HSP90AA1: variants seen among roughly 807,000 people sequenced by gnomAD.
The protein encoded by HSP90AA1 is heat shock protein 90 alpha family class A member 1.
Under a neutral mutation model 73.3 loss-of-function variants are expected in HSP90AA1, and 18 were observed. The ratio of observed to expected loss-of-function variants is 0.25; its 90% CI spans 0.17 to 0.36. The LOEUF (loss-of-function observed/expected upper bound fraction) is 0.36, where lower values mean the gene tolerates loss of function less well. Ranked by LOEUF, HSP90AA1 falls within the 10% of genes least tolerant of loss-of-function variation. HSP90AA1 has a pLI of 1.00. For missense variants in HSP90AA1, 704 were observed against 874.2 expected, an observed-to-expected ratio of 0.81 and a Z score of 2.45; for synonymous variants, 477 against 296.9, an observed-to-expected ratio of 1.61 and a Z score of -6.24.
Position 102,082,878 on chromosome 14 carries a change from C to T in HSP90AA1, c.1755+156G>A, listed in dbSNP as rs555528772. 6.5e-6 allele frequency: 5 copies of T among 763,384 alleles called. No homozygotes were observed. In the South Asian group the frequency reaches 7.6e-5, roughly 12 times the overall value. 47.3% of individuals were successfully genotyped at this position (763,384 alleles called of 1,614,324 possible). On this transcript the variant is annotated intron_variant, in intron 9 of 10. Transcript: ENST00000216281. ...CTTGTGATCCGCTGCCTCAGCCTCC[C>T]AAAGTGCTGGGATTGCAGGCGTGAG...
upstream of HSP90AA1, among the ~76,000 whole-genome samples, chr14:102,087,838 C>G (rs1206950816): frequency 6.6e-6 from 1 of 151,940 alleles, no homozygotes; most frequent in Non-Finnish European, 1.5e-5. Flanking sequence ...CAGCTACACC[C>G]GGCATGATTT....
chr14:102,133,290 C>G (rs1403664447), intron 1 of HSP90AA1, among the ~76,000 whole-genome samples: 1 of 151,802 alleles, frequency 6.6e-6, no homozygotes, highest in Non-Finnish European at 1.5e-5. Flanking sequence ...CAAAACAAAA[C>G]AAAACAATAG....
upstream of HSP90AA1, among the ~76,000 whole-genome samples, chr14:102,088,173 C>T (rs889248056): frequency 1.3e-5 from 2 of 152,066 alleles, no homozygotes; most frequent in African/African-American, 2.4e-5. Flanking sequence ...CCATGTTGCC[C>T]AGGCTGGAAA....
chr14:102,094,939 CA>C (rs1040080451), intron 2 of HSP90AA1, among the ~76,000 whole-genome samples: 3 of 152,174 alleles, frequency 2.0e-5, no homozygotes, highest in Admixed American at 2.0e-4. Context: ...TGGGAGAGGT[CA>C]GGGGAGCGAG....
At position 102,083,834 on chromosome 14, in the gene HSP90AA1, T is replaced by G; in HGVS notation, c.1297A>C (p.Asn433His). 1 of 1,613,912 alleles carries G rather than the reference T, an allele frequency of 6.2e-7. No individual in the cohort carries two copies. Among genetic ancestry groups the G allele is most frequent in the Non-Finnish European group, 8.5e-7 (1 of 1,179,922 alleles). Residue 433 changes from asparagine (N) to histidine (H), a missense_variant, in exon 7 of 11, where the codon AAC becomes CAC. Asn to His is a moderately conservative substitution (Grantham distance 68). Coordinates refer to ENST00000216281, the MANE Select transcript of HSP90AA1 (RefSeq NM_005348.4). ...AACTGCTCATAGAATTTCTTGTAGTTCTCTTTATCTTCCGCCAGTTCAGTA... is the reference window on the plus strand; with the variant it reads ...AACTGCTCATAGAATTTCTTGTAGTGCTCTTTATCTTCCGCCAGTTCAGTA... Reference protein sequence around the residue: ...LFTELAEDKENYKKFYEQFSK... With the variant: ...LFTELAEDKEHYKKFYEQFSK...
chr14:102,082,902 A>G, intron 9 of HSP90AA1, 132 bp downstream of exon 9: 1 of 937,298 alleles, frequency 1.1e-6, no homozygotes. Context: ...TGCAGGCGTG[A>G]GCCACCGCGC....
intron 1 of HSP90AA1, among the ~76,000 whole-genome samples, chr14:102,122,808 C>T (rs1211667512): frequency 1.3e-5 from 2 of 151,780 alleles, no homozygotes; most frequent in Admixed American, 6.6e-5. Flanking sequence ...GCTGGGATTA[C>T]AGGTGCCTGC....
chr14:102,114,421 T>C (rs2049682029), intron 1 of HSP90AA1, among the ~76,000 whole-genome samples: 2 of 152,186 alleles, frequency 1.3e-5, no homozygotes, highest in Admixed American at 1.3e-4. Flanking sequence ...TCTGAGCACA[T>C]GGTTTACAGG....
chr14:102,134,102 G>C (rs1228362609), intron 1 of HSP90AA1, among the ~76,000 whole-genome samples: 3 of 150,658 alleles, frequency 2.0e-5, no homozygotes, highest in African/African-American at 7.3e-5. Flanking sequence ...AGTGAGCCGA[G>C]ATTACGCCAC....
chr14:102,110,491 C>T (rs1430195611), intron 1 of HSP90AA1, among the ~76,000 whole-genome samples: 1 of 151,840 alleles, frequency 6.6e-6, no homozygotes, highest in Non-Finnish European at 1.5e-5. Context: ...GTAATCTCGA[C>T]TCACTGCAAC....
At chr14:102,105,647 G>A (rs1285547604) in intron 1 of HSP90AA1, among the ~76,000 whole-genome samples, 1 of 152,194 alleles carries the variant, frequency 6.6e-6, no homozygotes, top group African/African-American at 2.4e-5. Context: ...GTGTGGGCTT[G>A]CCTGCCAGTG....
At chr14:102,087,726 GGAGCGCTCCCTACTTTTGGGTTCCCC>G (rs1192114900), upstream of HSP90AA1, among the ~76,000 whole-genome samples, 4 of 152,160 alleles carry the variant, frequency 2.6e-5, no homozygotes, top group Non-Finnish European at 4.4e-5. Context: ...CGCTGGCTCG[GGAGCGCTCCCTACTTTTGGGTTCCCC>G]GAAAGCCATG....
chr14:102,088,934 T>A (rs2049312994), upstream of HSP90AA1, among the ~76,000 whole-genome samples: 1 of 150,130 alleles, frequency 6.7e-6, no homozygotes, highest in African/African-American at 2.5e-5. Flanking sequence ...AGACAAAGTC[T>A]CACTCTTGGT....
At chr14:102,134,566 T>C (rs2049956341) in intron 1 of HSP90AA1, among the ~76,000 whole-genome samples, 1 of 152,076 alleles carries the variant, frequency 6.6e-6, no homozygotes, top group Non-Finnish European at 1.5e-5. Context: ...GTTTCTTCCT[T>C]CTGATGGGTT....
chr14:102,101,672 C>T (rs758301058), intron 2 of HSP90AA1, among the ~76,000 whole-genome samples: 1 of 152,200 alleles, frequency 6.6e-6, no homozygotes, highest in African/African-American at 2.4e-5. Flanking sequence ...CAGGCAGGGA[C>T]CTGGGACTCT....
intron 1 of HSP90AA1, among the ~76,000 whole-genome samples, chr14:102,124,576 C>T (rs2049818988): frequency 6.6e-6 from 1 of 150,802 alleles, no homozygotes; most frequent in Non-Finnish European, 1.5e-5. Flanking sequence ...TAGCTATATC[C>T]CCCAGGCTGG....
At chr14:102,131,088 C>G (rs139990628) in intron 1 of HSP90AA1, among the ~76,000 whole-genome samples, 2 of 152,344 alleles carry the variant, frequency 1.3e-5, no homozygotes, top group Non-Finnish European at 2.9e-5. Context: ...AGACCTCTTT[C>G]CAGACTTGAT....
intron 1 of HSP90AA1, among the ~76,000 whole-genome samples, chr14:102,127,731 A>C (rs1321417135): frequency 6.6e-6 from 1 of 152,106 alleles, no homozygotes; most frequent in Non-Finnish European, 1.5e-5. Flanking sequence ...AGCTCACTGC[A>C]GCCTCAACTT....
At chr14:102,110,276 C>T (rs2049622675) in intron 1 of HSP90AA1, among the ~76,000 whole-genome samples, 3 of 152,242 alleles carry the variant, frequency 2.0e-5, no homozygotes, top group South Asian at 2.1e-4. Flanking sequence ...GCATTCTGCT[C>T]CTGCCCTGCC....
Sources: allele counts gnomAD v4.1 joint callset (sites outside exome capture counted in the v4.1 genomes callset), GRCh38; gene constraint gnomAD v4.1.1; transcripts MANE v1.5; gene names NCBI Gene and HGNC (gene_info 2026-07-23, HGNC 2026-07-21).